The following IL23R variants were observed in gnomAD, a reference collection of about 807,000 sequenced individuals.
IL23R encodes the protein interleukin-23 receptor.
A neutral mutation model predicts 56.9 loss-of-function variants in IL23R; 34 were observed. That is an observed-to-expected ratio of 0.60 (90% confidence interval 0.45 to 0.80). IL23R has a LOEUF of 0.80. Among genes scored for constraint, IL23R ranks in the 30% least tolerant of loss-of-function variants. The pLI is 0.00. For synonymous variants in IL23R, 230 were observed against 249.2 expected, an observed-to-expected ratio of 0.92 and a Z score of 0.73; for missense variants, 635 against 730.0, an observed-to-expected ratio of 0.87 and a Z score of 1.50.
intron 1 of IL23R, among the ~76,000 whole-genome samples, chr1:67,148,494 C>A (rs2102530066): frequency 6.6e-6 from 1 of 152,278 alleles, no homozygotes. Context: ...TTTAGTGAGC[C>A]CTCTTTACTA....
At chr1:67,161,194 T>C (rs1260043255) in intron 1 of IL23R, among the ~76,000 whole-genome samples, 1 of 152,212 alleles carries the variant, frequency 6.6e-6, no homozygotes, top group Non-Finnish European at 1.5e-5. Flanking sequence ...CTTCCACTCA[T>C]AGTTGAATTT....
At chr1:67,251,245 G>A (rs1161356021) in intron 9 of IL23R, among the ~76,000 whole-genome samples, 2 of 152,156 alleles carry the variant, frequency 1.3e-5, no homozygotes, top group East Asian at 1.9e-4. Context: ...GAGGTCAGCA[G>A]ATCGAGACCA....
chr1:67,242,756 A>T (rs1200517986), intron 9 of IL23R, among the ~76,000 whole-genome samples: 2 of 152,218 alleles, frequency 1.3e-5, no homozygotes, highest in African/African-American at 4.8e-5. Flanking sequence ...AGTGAACCAT[A>T]AACAGCTTTT....
chr1:67,213,871 G>A (rs1460161398), intron 6 of IL23R, among the ~76,000 whole-genome samples: 1 of 152,236 alleles, frequency 6.6e-6, no homozygotes, highest in African/African-American at 2.4e-5. Flanking sequence ...TGTCTCTGGA[G>A]ACACAGCTGC....
chr1:67,174,695 C>T (rs1361808802), intron 3 of IL23R, among the ~76,000 whole-genome samples: 1 of 152,100 alleles, frequency 6.6e-6, no homozygotes, highest in Non-Finnish European at 1.5e-5. Flanking sequence ...ATCTTATTCA[C>T]TATTGAATGA....
intron 1 of IL23R, among the ~76,000 whole-genome samples, chr1:67,158,932 G>A (rs1208014862): frequency 1.2e-5 from 1 of 85,256 alleles, no homozygotes; most frequent in Non-Finnish European, 2.4e-5. Context: ...CACTATCAGT[G>A]ATTGATAGTG....
At chr1:67,243,283 A>G (rs2100339470) in intron 9 of IL23R, among the ~76,000 whole-genome samples, 1 of 151,286 alleles carries the variant, frequency 6.6e-6, no homozygotes, top group Non-Finnish European at 1.5e-5. Flanking sequence ...AAACAATTTT[A>G]GTATTGGCTG....
At chr1:67,222,582 G>A (rs1650365877) in intron 7 of IL23R, among the ~76,000 whole-genome samples, 1 of 151,906 alleles carries the variant, frequency 6.6e-6, no homozygotes, top group Non-Finnish European at 1.5e-5. Context: ...TAACTGCCTA[G>A]CAAGATTATG....
intron 1 of IL23R, among the ~76,000 whole-genome samples, chr1:67,157,310 A>C (rs1276297492): frequency 6.6e-6 from 1 of 152,054 alleles, no homozygotes; most frequent in Non-Finnish European, 1.5e-5. Flanking sequence ...TTCCTTCCCC[A>C]TTCCTCTACA....
At chr1:67,198,920 G>A (rs1055027659) in intron 4 of IL23R, among the ~76,000 whole-genome samples, 1 of 152,162 alleles carries the variant, frequency 6.6e-6, no homozygotes, top group African/African-American at 2.4e-5. Context: ...ACGCCAGCCT[G>A]GGTGACAGAG....
intron 4 of IL23R, among the ~76,000 whole-genome samples, chr1:67,186,447 T>A (rs1647339220): frequency 6.6e-6 from 1 of 152,016 alleles, no homozygotes; most frequent in South Asian, 2.1e-4. Context: ...AACATTTTCA[T>A]CATGCCAAAA....
intron 6 of IL23R, among the ~76,000 whole-genome samples, chr1:67,218,283 T>C (rs912686022): frequency 1.4e-5 from 2 of 145,198 alleles, no homozygotes; most frequent in African/African-American, 2.5e-5. Context: ...TATATATATA[T>C]ATACATACAT....
At chr1:67,149,303 C>T (rs1646708209) in intron 1 of IL23R, among the ~76,000 whole-genome samples, 1 of 152,082 alleles carries the variant, frequency 6.6e-6, no homozygotes, top group Non-Finnish European at 1.5e-5. Context: ...CCTCGTTGGC[C>T]ACCCCGTGGG....
At chr1:67,163,577 A>G (rs1344377495), upstream of IL23R, among the ~76,000 whole-genome samples, 3 of 151,518 alleles carry the variant, frequency 2.0e-5, no homozygotes, top group African/African-American at 7.3e-5. Flanking sequence ...TGTTTGGATC[A>G]TGTGGGCGGA....
upstream of IL23R, among the ~76,000 whole-genome samples, chr1:67,166,174 C>T (rs11465756): frequency 4.3e-4 from 66 of 152,060 alleles, no homozygotes; most frequent in African/African-American, 1.6e-3. Flanking sequence ...TAAAACTAAG[C>T]GTCATATTTT....
intron 5 of IL23R, among the ~76,000 whole-genome samples, chr1:67,205,066 C>T (rs1648910604): frequency 6.6e-6 from 1 of 152,156 alleles, no homozygotes; most frequent in South Asian, 2.1e-4. Flanking sequence ...CAGGTGTGAG[C>T]CACTGCGTCC....
In IL23R at chr1:67,255,960, G is replaced by A. The variant is rs1410539848; in HGVS notation, c.1239+33G>A. 3 of 1,231,886 alleles carry A rather than the reference G, an allele frequency of 2.4e-6. No individual in the cohort carries two copies. In the African/African-American group the frequency reaches 4.4e-5, roughly 18 times the overall value. The allele number at this position is 1,231,886 out of a possible 1,614,324, so 76.3% of individuals were successfully genotyped here. ...AACATCATCCAACAAAAACTGAGTG[G>A]CAATTGAGACCAAGAGTGCAGTCTA... On this transcript the variant is annotated intron_variant, in intron 10 of 10. Transcript: ENST00000347310.
At chr1:67,150,751 G>A (rs1187248914) in intron 1 of IL23R, among the ~76,000 whole-genome samples, 2 of 151,450 alleles carry the variant, frequency 1.3e-5, no homozygotes, top group East Asian at 1.9e-4. Flanking sequence ...AAGAGATCAA[G>A]CTGGATATAG....
chr1:67,237,411 C>G (rs1438030431), intron 8 of IL23R, among the ~76,000 whole-genome samples: 1 of 152,202 alleles, frequency 6.6e-6, no homozygotes, highest in Non-Finnish European at 1.5e-5. Context: ...ACTTACCTAT[C>G]TTGTGCTAGG....
Sources: gnomAD v4.1 joint callset for allele counts (sites outside exome capture counted in the v4.1 genomes callset) on GRCh38, gnomAD v4.1.1 for gene constraint, MANE v1.5 for transcripts, NCBI Gene and HGNC (gene_info 2026-07-23, HGNC 2026-07-21) for gene names.